LRP5: variants seen among roughly 807,000 people sequenced by gnomAD.
The protein encoded by LRP5 is low-density lipoprotein receptor-related protein 5.
A neutral mutation model predicts 154.1 loss-of-function variants in LRP5; 62 were observed. The ratio of observed to expected loss-of-function variants is 0.40; its 90% CI spans 0.33 to 0.50. LRP5 has a LOEUF of 0.50. Among genes scored for constraint, LRP5 ranks in the 20% least tolerant of loss-of-function variants. The probability of loss-of-function intolerance (pLI) is 0.55; values close to 1 mark genes in which losing one functional copy is unlikely to be tolerated. For synonymous variants in LRP5, 966 were observed against 1,011.5 expected, an observed-to-expected ratio of 0.96 and a Z score of 0.85; for missense variants, 1,915 against 2,336.7, an observed-to-expected ratio of 0.82 and a Z score of 3.72.
chr11:68,342,398 C>T (rs1017633822), intron 1 of LRP5, among the ~76,000 whole-genome samples: 4 of 152,176 alleles, frequency 2.6e-5, no homozygotes, highest in Non-Finnish European at 5.9e-5. Context: ...GATCCCCCAT[C>T]ACCCAGAGTT....
chr11:68,448,186 T>G (rs1418480707), intron 22 of LRP5, among the ~76,000 whole-genome samples: 2 of 152,162 alleles, frequency 1.3e-5, no homozygotes, highest in Non-Finnish European at 2.9e-5. Context: ...TGAGATTTAT[T>G]CACTACCACG....
In LRP5 at chr11:68,415,916, G is replaced by A. The variant is rs768736200; in HGVS notation, c.2828-412G>A. On this transcript the variant is annotated intron_variant, in intron 12 of 22. Transcript: ENST00000294304. Reference sequence around the variant, plus strand: ...TAAAAATACAAAAAATGAGCCAGGCGTGGTGACGGGCGCCTGTAGTCCCAG... The same window carrying A: ...TAAAAATACAAAAAATGAGCCAGGCATGGTGACGGGCGCCTGTAGTCCCAG... Among the ~76,000 whole-genome samples, 11 of 19,422 alleles carry A rather than the reference G, an allele frequency of 5.7e-4. 4 individuals carry two copies. Among genetic ancestry groups the A allele is most frequent in the Non-Finnish European group, 2.2e-3 (10 of 4,520 alleles). The allele number at this position is 19,422 out of a possible 152,430, so 12.7% of individuals were successfully genotyped here. A position where few individuals can be genotyped will look rare whatever the true frequency, so the allele number is the denominator to read the frequency against.
chr11:68,429,130 G>A (rs2098670540), intron 16 of LRP5, among the ~76,000 whole-genome samples: 1 of 148,712 alleles, frequency 6.7e-6, no homozygotes, highest in South Asian at 2.2e-4. Flanking sequence ...GTGCATGCCT[G>A]TAGTCCCAGC....
intron 1 of LRP5, among the ~76,000 whole-genome samples, chr11:68,335,637 T>C (rs1037221316): frequency 2.6e-5 from 4 of 152,148 alleles, no homozygotes; most frequent in African/African-American, 9.7e-5. Flanking sequence ...CTATAACTCA[T>C]ACCTGAATAA....
intron 2 of LRP5, among the ~76,000 whole-genome samples, chr11:68,351,000 G>A (rs1404803043): frequency 6.6e-6 from 1 of 152,202 alleles, no homozygotes; most frequent in Non-Finnish European, 1.5e-5. Context: ...GTGTGTATGA[G>A]TGTGCGCATG....
chr11:68,363,830 C>T lies in LRP5; in HGVS notation c.770C>T (p.Thr257Ile), dbSNP rs557291376. The change falls in exon 4 of 23, where the codon ACC becomes ATC. Residue 257 changes from threonine (T) to isoleucine (I), a missense_variant. Thr to Ile is a moderately conservative substitution (Grantham distance 89). Transcript: ENST00000294304. ...ACTCTGTACTGGACAGACTGGCAGA[C>T]CCGCTCCATCCATGCCTGCAACAAG... ...GDTLYWTDWQ[T>I]RSIHACNKRT... 1 of 1,613,048 alleles carries T rather than the reference C, an allele frequency of 6.2e-7. No individual in the cohort carries two copies. The highest frequency in any genetic ancestry group is 8.5e-7 in the Non-Finnish European group (1 of 1,179,918).
chr11:68,397,759 C>T (rs1253496814), intron 7 of LRP5, among the ~76,000 whole-genome samples: 1 of 152,222 alleles, frequency 6.6e-6, no homozygotes, highest in Non-Finnish European at 1.5e-5. Context: ...CGTGCTGACC[C>T]CTGACGGGGA....
At chr11:68,439,421 G>T (rs1269794155) in intron 20 of LRP5, among the ~76,000 whole-genome samples, 1 of 152,160 alleles carries the variant, frequency 6.6e-6, no homozygotes, top group Non-Finnish European at 1.5e-5. Context: ...GGCTTCTCAA[G>T]AGCTCCTAGG....
chr11:68,383,614 G>T (rs7101866), intron 5 of LRP5, among the ~76,000 whole-genome samples: 2 of 152,218 alleles, frequency 1.3e-5, no homozygotes, highest in Non-Finnish European at 2.9e-5. Context: ...TTTCGGTCTC[G>T]GATTCTCCCT....
upstream of LRP5, among the ~76,000 whole-genome samples, chr11:68,308,357 G>A (rs544074419): frequency 7.2e-5 from 11 of 152,320 alleles, no homozygotes; most frequent in African/African-American, 2.4e-4. Flanking sequence ...GGGCTGAAAC[G>A]ACATCCTCAT....
intron 4 of LRP5, among the ~76,000 whole-genome samples, chr11:68,365,331 G>A (rs1321115705): frequency 4.6e-5 from 7 of 151,848 alleles, no homozygotes; most frequent in South Asian, 2.1e-4. Flanking sequence ...GGAAGGTCAC[G>A]GCTGGTTTTG....
intron 1 of LRP5, among the ~76,000 whole-genome samples, chr11:68,328,641 T>C (rs1411950368): frequency 6.6e-6 from 1 of 152,114 alleles, no homozygotes; most frequent in Non-Finnish European, 1.5e-5. Context: ...CCCATGGTGG[T>C]AATTTGCAGG....
chr11:68,399,138 C>A lies in LRP5; in HGVS notation c.1585-4345C>A, dbSNP rs191878104. On this transcript the variant is annotated intron_variant, in intron 7 of 22. Transcript: ENST00000294304. ...GAGTTTGAGGCTGGGCTCAAGTGAT[C>A]AGGAGGTGAACTATGATCATGTCAT... is the stretch of plus-strand genomic sequence containing the variant. Among the ~76,000 whole-genome samples the A allele has an allele frequency of 1.8e-4, 28 of 151,996 alleles. No individual in the cohort carries two copies. In the East Asian group the frequency reaches 2.1e-3, roughly 12 times the overall value.
At chr11:68,429,360 A>G (rs1418897990) in intron 16 of LRP5, among the ~76,000 whole-genome samples, 1 of 152,132 alleles carries the variant, frequency 6.6e-6, no homozygotes, top group East Asian at 1.9e-4. Flanking sequence ...CAACTTCTGT[A>G]ATTGTTTCCG....
At chr11:68,434,394 ATTCG>A (rs1222176791) in intron 18 of LRP5, among the ~76,000 whole-genome samples, 2 of 108,190 alleles carry the variant, frequency 1.8e-5, no homozygotes, top group South Asian at 2.7e-4. Flanking sequence ...TCATTCATTC[ATTCG>A]AGACAGAGTC....
chr11:68,446,406 T>C, intron 21 of LRP5, 30 bp from the exon 22 acceptor site: 1 of 1,495,232 alleles, frequency 6.7e-7, no homozygotes, highest in Non-Finnish European at 9.3e-7. Flanking sequence ...CTGGCGAGGC[T>C]CTAAGTCACC....
At chr11:68,402,575 G>T (rs2098653211) in intron 7 of LRP5, among the ~76,000 whole-genome samples, 1 of 152,072 alleles carries the variant, frequency 6.6e-6, no homozygotes, top group Non-Finnish European at 1.5e-5. Flanking sequence ...AACTGCCCCA[G>T]GTCCTTACAT....
rs1220588650 is a variant in LRP5 at position 68,364,416 on chromosome 11, T to C, written c.883+473T>C. ...TGTATTTTTAATAGAGATGAGAGAT[T>C]TTGCCACGTTGCCCAGGCTTGTCTC... On this transcript the variant is annotated intron_variant, in intron 4 of 22. Transcript: ENST00000294304. Among the ~76,000 whole-genome samples, 10 of 150,898 alleles carry C rather than the reference T, an allele frequency of 6.6e-5. No individual in the cohort carries two copies. The East Asian group carries it at 1.9e-3, about 29-fold the overall frequency.
At chr11:68,425,320 G>C (rs200126456) in intron 15 of LRP5, 28 bp downstream of exon 15, 1 of 1,587,938 alleles carries the variant, frequency 6.3e-7, no homozygotes, top group South Asian at 1.1e-5. Context: ...TGCCCTAACC[G>C]CAGACACCCG....
Sources: gnomAD v4.1 joint callset for allele counts (sites outside exome capture counted in the v4.1 genomes callset) on GRCh38, gnomAD v4.1.1 for gene constraint, MANE v1.5 for transcripts, NCBI Gene and HGNC (gene_info 2026-07-23, HGNC 2026-07-21) for gene names.